Variants in CNTNAP2 observed in about 807,000 individuals in gnomAD.
The protein encoded by CNTNAP2 is contactin-associated protein-like 2.
CNTNAP2 carries 98 observed loss-of-function variants against 155.2 expected under a neutral mutation model. That is an observed-to-expected ratio of 0.63 (90% CI 0.54 to 0.75). CNTNAP2 has a LOEUF of 0.75. Ranked by LOEUF, CNTNAP2 falls within the 30% of genes least tolerant of loss-of-function variation. The probability of loss-of-function intolerance (pLI) is 0.00; values close to 1 mark genes in which losing one functional copy is unlikely to be tolerated. For missense variants in CNTNAP2, 1,727 were observed against 1,688.1 expected, an observed-to-expected ratio of 1.02 and a Z score of -0.40; for synonymous variants, 651 against 631.2, an observed-to-expected ratio of 1.03 and a Z score of -0.47.
chr7:146,357,536 G>C (rs373146347), intron 1 of CNTNAP2, among the ~76,000 whole-genome samples: 2 of 152,032 alleles, frequency 1.3e-5, no homozygotes, highest in African/African-American at 2.4e-5. Flanking sequence ...GGAAGCTCTC[G>C]TTCACTGGCA....
At chr7:148,022,974 A>C (rs1477643163) in intron 15 of CNTNAP2, among the ~76,000 whole-genome samples, 1 of 152,156 alleles carries the variant, frequency 6.6e-6, no homozygotes, top group East Asian at 1.9e-4. Context: ...TCTCATCGGC[A>C]GTAATAGCTT....
intron 3 of CNTNAP2, among the ~76,000 whole-genome samples, chr7:146,889,417 T>A (rs1273187295): frequency 6.6e-6 from 1 of 152,078 alleles, no homozygotes; most frequent in Non-Finnish European, 1.5e-5. Context: ...TGGTCTTGGG[T>A]AAGTCTCCTT....
intron 1 of CNTNAP2, among the ~76,000 whole-genome samples, chr7:146,324,777 T>TTATATATATA (rs149639520): frequency 3.6e-4 from 54 of 150,550 alleles, no homozygotes; most frequent in African/African-American, 1.3e-3. Context: ...GGAAGAGTAA[T>TTATATATATA]TATATATATA....
chr7:148,346,371 G>A (rs1330641217), intron 21 of CNTNAP2, among the ~76,000 whole-genome samples: 1 of 152,054 alleles, frequency 6.6e-6, no homozygotes, highest in Non-Finnish European at 1.5e-5. Flanking sequence ...ATGATTACCC[G>A]TAACACATTT....
intron 21 of CNTNAP2, among the ~76,000 whole-genome samples, chr7:148,275,291 G>A (rs536061620): frequency 7.6e-4 from 116 of 152,222 alleles, no homozygotes; most frequent in African/African-American, 2.7e-3. Context: ...ATGAAAAGAA[G>A]TATAGAATTC....
intron 1 of CNTNAP2, among the ~76,000 whole-genome samples, chr7:146,439,219 T>A (rs1291176042): frequency 1.3e-5 from 2 of 151,548 alleles, no homozygotes; most frequent in African/African-American, 2.4e-5. Context: ...ATTCATTTTT[T>A]AAAAAACACT....
chr7:147,817,189 A>G (rs1312638375), intron 13 of CNTNAP2, among the ~76,000 whole-genome samples: 1 of 152,230 alleles, frequency 6.6e-6, no homozygotes, highest in African/African-American at 2.4e-5. Context: ...GGAGGAGCAC[A>G]GCTGTAAATT....
intron 1 of CNTNAP2, among the ~76,000 whole-genome samples, chr7:146,302,530 A>G (rs1422467590): frequency 6.6e-6 from 1 of 152,182 alleles, no homozygotes; most frequent in Non-Finnish European, 1.5e-5. Flanking sequence ...AAGATTCTTC[A>G]AGATTTATGG....
intron 11 of CNTNAP2, among the ~76,000 whole-genome samples, chr7:147,531,069 T>A (rs2116725259): frequency 6.6e-6 from 1 of 152,298 alleles, no homozygotes; most frequent in Middle Eastern, 3.4e-3. Flanking sequence ...GACATCCAGG[T>A]CACGCTGATG....
chr7:146,624,383 C>T (rs927895399), intron 1 of CNTNAP2, among the ~76,000 whole-genome samples: 2 of 152,004 alleles, frequency 1.3e-5, no homozygotes, highest in Non-Finnish European at 2.9e-5. Flanking sequence ...ACATTTAGAA[C>T]TATGATCCAT....
chr7:147,404,652 G>A (rs1796974063), intron 10 of CNTNAP2, among the ~76,000 whole-genome samples: 2 of 152,002 alleles, frequency 1.3e-5, no homozygotes, highest in Admixed American at 1.3e-4. Context: ...AACTTTATTG[G>A]CCTTCCATGC....
chr7:147,358,707 A>G (rs570925037), intron 9 of CNTNAP2, among the ~76,000 whole-genome samples: 9 of 152,130 alleles, frequency 5.9e-5, no homozygotes, highest in Admixed American at 3.3e-4. Flanking sequence ...ATTTATTTTC[A>G]ATGAAATTTT....
chr7:147,027,235 G>A (rs954086096), intron 3 of CNTNAP2, among the ~76,000 whole-genome samples: 1 of 152,062 alleles, frequency 6.6e-6, no homozygotes, highest in African/African-American at 2.4e-5. Flanking sequence ...ATACGTACAA[G>A]GGAATATAGC....
chr7:148,138,785 A>T (rs566067340), intron 16 of CNTNAP2, among the ~76,000 whole-genome samples: 32 of 152,312 alleles, frequency 2.1e-4, no homozygotes, highest in Non-Finnish European at 3.8e-4. Context: ...ACAAGAGGGT[A>T]TTTAAAACCC....
chr7:147,772,257 C>G (rs937203679), intron 13 of CNTNAP2, among the ~76,000 whole-genome samples: 38 of 151,402 alleles, frequency 2.5e-4, no homozygotes, highest in African/African-American at 7.8e-4. Flanking sequence ...AATTGCGTCT[C>G]TACTAAAAAT....
intron 8 of CNTNAP2, among the ~76,000 whole-genome samples, chr7:147,285,249 G>A (rs1364719717): frequency 6.6e-6 from 1 of 151,432 alleles, no homozygotes; most frequent in Non-Finnish European, 1.5e-5. Flanking sequence ...TCCTGAACTT[G>A]GGAATTTCTG....
At chr7:147,539,426 G>A (rs774175137) in intron 11 of CNTNAP2, among the ~76,000 whole-genome samples, 1 of 152,152 alleles carries the variant, frequency 6.6e-6, no homozygotes, top group African/African-American at 2.4e-5. Flanking sequence ...GTCATCCAGA[G>A]CCAAACTATT....
chr7:147,852,374 C>A (rs2116671300), intron 13 of CNTNAP2, among the ~76,000 whole-genome samples: 1 of 152,240 alleles, frequency 6.6e-6, no homozygotes, highest in South Asian at 2.1e-4. Context: ...TTAAGATGTT[C>A]TGAAAAGTTC....
chr7:147,826,397 T>A (rs1364784778), intron 13 of CNTNAP2, among the ~76,000 whole-genome samples: 3 of 152,224 alleles, frequency 2.0e-5, no homozygotes, highest in Non-Finnish European at 4.4e-5. Flanking sequence ...TATCCCAGAA[T>A]TCTATGTCCT....
Sources: allele counts gnomAD v4.1 joint callset (sites outside exome capture counted in the v4.1 genomes callset), GRCh38; gene constraint gnomAD v4.1.1; transcripts MANE v1.5; gene names NCBI Gene and HGNC (gene_info 2026-07-23, HGNC 2026-07-21).